Variants in PTPRF observed in about 807,000 individuals in gnomAD.
PTPRF encodes receptor-type tyrosine-protein phosphatase F.
PTPRF carries 59 observed loss-of-function variants against 201.8 expected under a neutral mutation model. The ratio of observed to expected loss-of-function variants is 0.29; its 90% CI spans 0.24 to 0.36. The LOEUF is 0.36. Ranked by LOEUF, PTPRF falls within the 10% of genes least tolerant of loss-of-function variation. The pLI, the probability that PTPRF is intolerant of heterozygous loss-of-function variation, is 1.00. For synonymous variants in PTPRF, 1,088 were observed against 1,089.7 expected (o/e 1.00, Z 0.03); for missense variants, 2,132 against 2,690.5 (o/e 0.79, Z 4.59).
At chr1:43,555,136 G>A (rs1569823165) in intron 5 of PTPRF, among the ~76,000 whole-genome samples, 1 of 152,034 alleles carries the variant, frequency 6.6e-6, no homozygotes, top group East Asian at 1.9e-4. Context: ...ACAGGTGTGA[G>A]CCACCGCACC....
At chr1:43,567,418 C>A (rs1408830755) in intron 5 of PTPRF, among the ~76,000 whole-genome samples, 2 of 151,644 alleles carry the variant, frequency 1.3e-5, no homozygotes, top group Non-Finnish European at 2.9e-5. Flanking sequence ...TATTTACAGC[C>A]AAGGAGACAC....
rs1645173467 is a variant in PTPRF at position 43,553,716 on chromosome 1, C to A, written c.237+79C>A. The A allele has an allele frequency of 8.1e-6, 13 of 1,608,584 alleles. No individual in the cohort carries two copies. The highest frequency in any genetic ancestry group is 1.0e-5 in the Non-Finnish European group (12 of 1,176,684). On this transcript the variant is annotated intron_variant, in intron 4 of 33. Coordinates refer to ENST00000359947, the MANE Select transcript of PTPRF (RefSeq NM_002840.5). The surrounding 1 kb of genome is among the most constrained non-coding windows in gnomAD (Gnocchi z 4.1). ...TCCTTTCAGTGTCCCTCCTCATGGA[C>A]CTTTTGGAGGTGGGAGGACAACTGA... is the stretch of plus-strand genomic sequence containing the variant.
intron 13 of PTPRF, among the ~76,000 whole-genome samples, 173 bp from the exon 14 acceptor site, chr1:43,601,898 G>A (rs1653840397): frequency 6.6e-6 from 1 of 152,116 alleles, no homozygotes; most frequent in East Asian, 1.9e-4. Flanking sequence ...AGTGAGGCAG[G>A]GATTCAAATC....
intron 11 of PTPRF, among the ~76,000 whole-genome samples, chr1:43,592,847 C>T (rs1327552278): frequency 1.3e-5 from 2 of 152,174 alleles, no homozygotes; most frequent in Non-Finnish European, 1.5e-5. Flanking sequence ...TCCTCCCGCC[C>T]ATGCCCCACA....
intron 1 of PTPRF, among the ~76,000 whole-genome samples, chr1:43,532,134 T>C (rs949721970): frequency 5.3e-5 from 8 of 152,166 alleles, no homozygotes; most frequent in Admixed American, 5.2e-4. Flanking sequence ...AGTCTCTGCC[T>C]CTTGTCTCTC....
At chr1:43,618,842 TG>T (rs1658498293) in intron 26 of PTPRF, 93 bp downstream of exon 26, 65 of 1,537,534 alleles carry the variant, frequency 4.2e-5, no homozygotes, top group Non-Finnish European at 5.6e-5. Flanking sequence ...AGCTGGAGCC[TG>T]GGTGTTGGAG....
In PTPRF at chr1:43,591,302, C is replaced by T. The variant is rs1299928013; in HGVS notation, c.1280C>T (p.Ala427Val). The change falls in exon 9 of 34, where the codon GCC becomes GTC. Residue 427 changes from alanine (A) to valine (V), a missense_variant. Transcript: ENST00000359947. ...CGCGTGCAGGCACGCATGCTGAGCG[C>T]CAGCACCATGCTGGTGCAGTGGGAG... is the stretch of plus-strand genomic sequence containing the variant. ...PRRVQARMLSASTMLVQWEPP... is the reference protein window; with the variant it reads ...PRRVQARMLSVSTMLVQWEPP... The T allele has an allele frequency of 1.3e-6, 2 of 1,552,112 alleles. No individual in the cohort carries two copies. The highest frequency in any genetic ancestry group is 1.7e-6 in the Non-Finnish European group (2 of 1,149,666).
At chr1:43,593,341 C>G (rs1017483590) in intron 11 of PTPRF, among the ~76,000 whole-genome samples, 1 of 152,138 alleles carries the variant, frequency 6.6e-6, no homozygotes, top group African/African-American at 2.4e-5. Flanking sequence ...GGGCATGACC[C>G]TTGTCTTTGT....
intron 19 of PTPRF, 39 bp downstream of exon 19, chr1:43,605,661 G>A: frequency 1.3e-6 from 2 of 1,573,674 alleles, no homozygotes; most frequent in Non-Finnish European, 1.7e-6. Context: ...CAGCCCCATT[G>A]CAGTGGTCAG....
At chr1:43,529,736 G>A (rs529863026), upstream of PTPRF, among the ~76,000 whole-genome samples, 170 of 152,280 alleles carry the variant, frequency 1.1e-3, no homozygotes, top group African/African-American at 3.9e-3. Context: ...AGGCAGGGGC[G>A]CTTGGATTGA....
chr1:43,621,325 G>A (rs1418934341), intron 33 of PTPRF, 93 bp downstream of exon 33: 3 of 1,493,886 alleles, frequency 2.0e-6, no homozygotes, highest in Non-Finnish European at 1.8e-6. Context: ...ACAGGCATGT[G>A]CATTCATTCA....
At chr1:43,571,350 G>A (rs749350708) in intron 6 of PTPRF, among the ~76,000 whole-genome samples, 4 of 152,012 alleles carry the variant, frequency 2.6e-5, no homozygotes, top group Non-Finnish European at 5.9e-5. Flanking sequence ...TGCCCTGGAC[G>A]AGCTCACCCC....
chr1:43,584,107 G>A (rs1014769138), intron 7 of PTPRF, among the ~76,000 whole-genome samples: 1 of 152,118 alleles, frequency 6.6e-6, no homozygotes, highest in African/African-American at 2.4e-5. Context: ...CCCACCCTTG[G>A]AGCCAGACCC....
At chr1:43,544,903 G>A (rs183920519) in intron 2 of PTPRF, 128 bp from the exon 3 acceptor site, 1 of 608,200 alleles carries the variant, frequency 1.6e-6, no homozygotes, top group Non-Finnish European at 2.8e-6. Flanking sequence ...CAGCCCAAGT[G>A]GGGGGCTCTG....
At chr1:43,609,581 C>T (rs1655954011) in intron 22 of PTPRF, 83 bp downstream of exon 22, 2 of 989,700 alleles carry the variant, frequency 2.0e-6, no homozygotes, top group South Asian at 2.8e-5. Flanking sequence ...AGGGTCGCCA[C>T]TGAAGTTCCT....
Position 43,606,395 on chromosome 1 carries a change from C to T in PTPRF, c.3639C>T (p.Pro1213=), listed in dbSNP as rs10890266. The change falls in exon 20 of 34, where the codon CCC becomes CCT. Residue 1213 remains proline, a synonymous_variant. Transcript: ENST00000359947. The part of the protein sequence containing the change: ...KKNYRGFYNR[P]LSPDLSYQCF... The stretch of plus-strand genomic sequence containing the variant: ...ACTACCGGGGCTTCTACAACCGGCC[C>T]CTGTCTCCGGACTTGAGCTACCAGT... 0.34 allele frequency: 556,656 copies of T among 1,613,884 alleles called. 100,045 individuals carry two copies. Among genetic ancestry groups the T allele is most frequent in the East Asian group, 0.43 (19,080 of 44,882 alleles).
intron 13 of PTPRF, 91 bp from the exon 14 acceptor site, chr1:43,601,980 T>C (rs1570533758): frequency 6.7e-7 from 1 of 1,484,202 alleles, no homozygotes; most frequent in East Asian, 2.3e-5. Flanking sequence ...CCCTCTGTCC[T>C]CCCTGGGCAA....
rs151136180 is a variant in PTPRF, at chr1:43,620,554, G to T, written c.5339G>T (p.Arg1780Leu). 6.8e-6 allele frequency: 11 copies of T among 1,614,126 alleles called. No individual in the cohort carries two copies. Among genetic ancestry groups the T allele is most frequent in the Non-Finnish European group, 9.3e-6 (11 of 1,179,990 alleles). Residue 1780 changes from arginine (R) to leucine (L), a missense_variant, in exon 31 of 34, where the codon CGT becomes CTT. Transcript: ENST00000359947. ...AEYNMPQYILREFKVTDARDG... is the reference protein window; with the variant it reads ...AEYNMPQYILLEFKVTDARDG... ...TACAACATGCCCCAGTATATCCTGC[G>T]TGAGTTCAAGGTCACGGATGCCCGG...
At chr1:43,604,514 C>T (rs1201302214) in intron 16 of PTPRF, among the ~76,000 whole-genome samples, 4 of 152,184 alleles carry the variant, frequency 2.6e-5, no homozygotes, top group Non-Finnish European at 5.9e-5. Flanking sequence ...CTCTTGGGGC[C>T]ATGACCCACC....
Sources: gnomAD v4.1 joint callset for allele counts (sites outside exome capture counted in the v4.1 genomes callset) on GRCh38, gnomAD v4.1.1 for gene constraint, Gnocchi (gnomAD v3.1) non-coding constraint, MANE v1.5 for transcripts, NCBI Gene and HGNC (gene_info 2026-07-23, HGNC 2026-07-21) for gene names.